SYAP1: variants seen among roughly 807,000 people sequenced by gnomAD.
SYAP1 encodes the protein synapse associated protein 1, also known as synapse-associated protein 1.
SYAP1 carries 3 observed loss-of-function variants against 29.6 expected under a neutral mutation model. The ratio of observed to expected loss-of-function variants is 0.10; its 90% confidence interval spans 0.05 to 0.26. The LOEUF is 0.26. Among genes scored for constraint, SYAP1 ranks in the 10% least tolerant of loss-of-function variants. The pLI, the probability that SYAP1 is intolerant of heterozygous loss-of-function variation, is 1.00. For synonymous variants in SYAP1, 102 were observed against 102.7 expected (o/e 0.99, Z 0.04); for missense variants, 217 against 264.1 (o/e 0.82, Z 1.24).
intron 4 of SYAP1, among the ~76,000 whole-genome samples, chrX:16,743,063 C>T (rs900810475): frequency 5.5e-5 from 6 of 108,836 alleles, no homozygotes; most frequent in African/African-American, 2.0e-4. Flanking sequence ...TGCAGTGGCT[C>T]ACACCTGTAA....
At chrX:16,744,463 C>A (rs766755915) in intron 5 of SYAP1, among the ~76,000 whole-genome samples, 1 of 112,795 alleles carries the variant, frequency 8.9e-6, no homozygotes, top group South Asian at 3.6e-4. Flanking sequence ...TGTCATTGTT[C>A]CCTTTCTCTT....
intron 3 of SYAP1, among the ~76,000 whole-genome samples, chrX:16,740,445 T>C (rs1202262728): frequency 7.3e-5 from 8 of 110,212 alleles, no homozygotes; most frequent in Non-Finnish European, 1.3e-4. Context: ...AACTTTCTTT[T>C]TTTTTCCTCC....
At position 16,763,303 on chromosome X, in the gene SYAP1, T is replaced by A. The variant is rs1300508104; in HGVS notation, c.*2944T>A. The A allele has an allele frequency of 1.3e-5, 1 of 75,869 alleles. No homozygotes were observed. Among genetic ancestry groups the A allele is most frequent in the Admixed American group, 1.6e-4 (1 of 6,253 alleles). The allele number at this position is 75,869 out of a possible 1,213,427, so 6.3% of individuals were successfully genotyped here. A position where few individuals can be genotyped will look rare whatever the true frequency, so the allele number is the denominator to read the frequency against. ...TTTCAAAAAAGGGAGGGGGGGCAAG[T>A]TTTTAGGGGGATGAGAAATATTCTT... On this transcript the variant is annotated 3_prime_UTR_variant, in exon 9 of 9. Coordinates refer to ENST00000380155, the MANE Select transcript of SYAP1 (RefSeq NM_032796.4).
At chrX:16,736,260 C>T (rs1481560141) in intron 3 of SYAP1, 28 bp downstream of exon 3, 9 of 1,056,240 alleles carry the variant, frequency 8.5e-6, no homozygotes, top group Non-Finnish European at 9.2e-6. Flanking sequence ...CTTAATTAAC[C>T]TGCCAGGTTT....
In SYAP1 at chrX:16,719,798, C is replaced by G; in HGVS notation, c.74C>G (p.Ala25Gly). The G allele has an allele frequency of 1.7e-6, 2 of 1,200,700 alleles. No individual in the cohort carries two copies. The highest frequency in any genetic ancestry group is 2.2e-6 in the Non-Finnish European group (2 of 890,467). ...VAGGGQPNGD[A>G]PPEQPSETVA... ...GGCGGTGGGCAGCCCAATGGAGATG[C>G]TCCACCCGAGCAGCCGTCCGAGACG... Residue 25 changes from alanine (A) to glycine (G), a missense_variant, in exon 1 of 9, where the codon GCT becomes GGT. Transcript: ENST00000380155.
At chrX:16,759,604 T>G (rs1051363323) in intron 8 of SYAP1, among the ~76,000 whole-genome samples, 10 of 111,374 alleles carry the variant, frequency 9.0e-5, no homozygotes, top group African/African-American at 3.3e-4. Context: ...CTGTCTCCAC[T>G]CTTAAGGAGA....
chrX:16,755,738 A>C (rs1926829779), intron 6 of SYAP1, among the ~76,000 whole-genome samples: 1 of 111,668 alleles, frequency 9.0e-6, no homozygotes, highest in Non-Finnish European at 1.9e-5. Context: ...GGTTGTGGGA[A>C]TGTGTTTTAT....
rs757824841 is a variant in SYAP1, at chrX:16,719,805, C to T, written c.81C>T (p.Pro27=). Residue 27 remains proline, a synonymous_variant, in exon 1 of 9, where the codon CCC becomes CCT. Coordinates refer to ENST00000380155, the MANE Select transcript of SYAP1 (RefSeq NM_032796.4). ...GGGQPNGDAP[P]EQPSETVAES... is the part of the protein sequence containing the mutation. ...GGCAGCCCAATGGAGATGCTCCACC[C>T]GAGCAGCCGTCCGAGACGGTGGCTG... 3.3e-6 allele frequency: 4 copies of T among 1,198,558 alleles called. No homozygotes were observed. The highest frequency in any genetic ancestry group is 3.6e-5 in the South Asian group (2 of 55,109).
intron 5 of SYAP1, among the ~76,000 whole-genome samples, chrX:16,751,526 C>CA (rs1159423361): frequency 3.0e-5 from 3 of 100,304 alleles, no homozygotes; most frequent in East Asian, 3.2e-4. Flanking sequence ...AAAAAAACAA[C>CA]AAAAAAAAAT....
Position 16,719,622 on chromosome X carries a change from C to A in SYAP1, c.-103C>A. ...TGCGGCGGCTGCGGTGTTCCTCCGACTTCCGGACATCTCCCTGGGAGTCGC... is the reference window on the plus strand; with the variant it reads ...TGCGGCGGCTGCGGTGTTCCTCCGAATTCCGGACATCTCCCTGGGAGTCGC... On this transcript the variant is annotated 5_prime_UTR_variant, in exon 1 of 9. Coordinates refer to ENST00000380155, the MANE Select transcript of SYAP1 (RefSeq NM_032796.4). 1.0e-6 allele frequency: 1 copy of A among 997,443 alleles called. No homozygotes were observed. Among genetic ancestry groups the A allele is most frequent in the Non-Finnish European group, 1.3e-6 (1 of 756,599 alleles). 82.2% of individuals were successfully genotyped at this position (997,443 alleles called of 1,213,427 possible). A position where few individuals can be genotyped will look rare whatever the true frequency, so the allele number is the denominator to read the frequency against.
Position 16,763,942 on chromosome X carries a change from C to T in SYAP1, c.*3583C>T, listed in dbSNP as rs1927039865. 2.0e-5 allele frequency: 2 copies of T among 100,565 alleles called. No individual in the cohort carries two copies. The highest frequency in any genetic ancestry group is 2.3e-4 in the Admixed American group (2 of 8,678). The allele number at this position is 100,565 out of a possible 1,213,427, so 8.3% of individuals were successfully genotyped here. A position where few individuals can be genotyped will look rare whatever the true frequency, so the allele number is the denominator to read the frequency against. On this transcript the variant is annotated 3_prime_UTR_variant, in exon 9 of 9. Transcript: ENST00000380155. ...GGGCTGGAATGCAATGGCGCAGTCT[C>T]AGCTCACTGCAAACCTCCGGCTCCC... is the stretch of plus-strand genomic sequence containing the variant.
intron 5 of SYAP1, among the ~76,000 whole-genome samples, chrX:16,746,915 T>C (rs1602331843): frequency 1.3e-5 from 1 of 76,247 alleles, no homozygotes; most frequent in East Asian, 4.8e-4. Context: ...TACCATCTAA[T>C]CTATTTTTTT....
At chrX:16,744,820 G>C (rs182211311) in intron 5 of SYAP1, among the ~76,000 whole-genome samples, 1 of 111,388 alleles carries the variant, frequency 9.0e-6, no homozygotes, top group African/African-American at 3.3e-5. Context: ...TCAAGAATTA[G>C]CCGGGCGTAG....
At chrX:16,736,062 C>T in intron 2 of SYAP1, 104 bp from the exon 3 acceptor site, 1 of 543,551 alleles carries the variant, frequency 1.8e-6, no homozygotes, top group East Asian at 3.6e-5. Context: ...TTGCAGTGGG[C>T]CTATGGCATT....
chrX:16,754,723 G>A (rs758600117), intron 5 of SYAP1, among the ~76,000 whole-genome samples: 3 of 109,021 alleles, frequency 2.8e-5, no homozygotes, highest in Non-Finnish European at 3.8e-5. Flanking sequence ...GCAAGACTCC[G>A]TGTCAAAAAA....
intron 5 of SYAP1, among the ~76,000 whole-genome samples, chrX:16,748,248 C>A (rs1926651757): frequency 8.9e-6 from 1 of 111,776 alleles, no homozygotes. Flanking sequence ...TGCTGATACT[C>A]ACGGTAGGTA....
intron 1 of SYAP1, among the ~76,000 whole-genome samples, chrX:16,729,099 A>G (rs1485734365): frequency 9.0e-6 from 1 of 110,974 alleles, no homozygotes; most frequent in Non-Finnish European, 1.9e-5. Flanking sequence ...TCTGTGGCAC[A>G]CAATAATTTA....
chrX:16,737,447 TTCC>T (rs1443531327), intron 3 of SYAP1, among the ~76,000 whole-genome samples: 1 of 111,894 alleles, frequency 8.9e-6, no homozygotes, highest in Non-Finnish European at 1.9e-5. Flanking sequence ...CATGGTGAAT[TTCC>T]ATCAGGCATT....
chrX:16,721,092 A>G (rs917933459), intron 1 of SYAP1, among the ~76,000 whole-genome samples: 1 of 107,357 alleles, frequency 9.3e-6, no homozygotes, highest in African/African-American at 3.4e-5. Flanking sequence ...CAAGTGAGAG[A>G]ACTGCAACAA....
Sources: gnomAD v4.1 joint callset for allele counts (sites outside exome capture counted in the v4.1 genomes callset) on GRCh38, gnomAD v4.1.1 for gene constraint, MANE v1.5 for transcripts, NCBI Gene and HGNC (gene_info 2026-07-23, HGNC 2026-07-21) for gene names.